Variants in COL4A4 observed in about 807,000 individuals in gnomAD.
COL4A4 encodes the protein collagen alpha-4(IV) chain.
In COL4A4, 105 loss-of-function variants were observed where a neutral mutation model predicts 192.9. That is an observed-to-expected ratio of 0.54 (90% CI 0.46 to 0.64). COL4A4 has a LOEUF of 0.64. Ranked by LOEUF, COL4A4 falls within the 30% of genes least tolerant of loss-of-function variation. The pLI, the probability that COL4A4 is intolerant of heterozygous loss-of-function variation, is 0.00. For synonymous variants in COL4A4, 762 were observed against 769.9 expected, an observed-to-expected ratio of 0.99 and a Z score of 0.17; for missense variants, 1,967 against 2,169.3, an observed-to-expected ratio of 0.91 and a Z score of 1.85.
chr2:227,076,007 A>G (rs1178182522), intron 25 of COL4A4, among the ~76,000 whole-genome samples: 1 of 152,194 alleles, frequency 6.6e-6, no homozygotes, highest in Non-Finnish European at 1.5e-5. Context: ...AAATGGAAAA[A>G]CATTATACAC....
At chr2:227,143,321 A>C (rs1485763630) in intron 3 of COL4A4, among the ~76,000 whole-genome samples, 1 of 152,248 alleles carries the variant, frequency 6.6e-6, no homozygotes. Flanking sequence ...GTATGCATGA[A>C]TCAGAATAAA....
At chr2:227,014,030 T>C (rs1360638863) in intron 44 of COL4A4, among the ~76,000 whole-genome samples, 2 of 152,198 alleles carry the variant, frequency 1.3e-5, no homozygotes, top group Admixed American at 6.5e-5. Context: ...CTAGCAAGAA[T>C]CGAAGATTTC....
intron 44 of COL4A4, among the ~76,000 whole-genome samples, chr2:227,020,880 CTTTTTTTT>C (rs57119611): frequency 7.8e-6 from 1 of 127,598 alleles, no homozygotes; most frequent in African/African-American, 3.2e-5. Context: ...ACACTTTTTT[CTTTTTTTT>C]TTTTTTTTGA....
intron 4 of COL4A4, among the ~76,000 whole-genome samples, chr2:227,131,772 C>T (rs1301003734): frequency 2.0e-5 from 3 of 152,158 alleles, no homozygotes; most frequent in African/African-American, 4.8e-5. Flanking sequence ...ACTACATGCA[C>T]CTTTATAAGG....
At chr2:227,145,043 T>C (rs557775618) in intron 2 of COL4A4, among the ~76,000 whole-genome samples, 4 of 152,114 alleles carry the variant, frequency 2.6e-5, no homozygotes, top group South Asian at 2.1e-4. Flanking sequence ...TAATATGGAA[T>C]ATTTAGGGAA....
At chr2:227,007,779 C>G (rs146244133) in intron 47 of COL4A4, among the ~76,000 whole-genome samples, 191 bp from the exon 48 acceptor site, 51 of 152,348 alleles carry the variant, frequency 3.3e-4, no homozygotes, top group African/African-American at 1.2e-3. Flanking sequence ...GCTCCAGTTT[C>G]ACCGATGGCT....
At chr2:227,069,959 C>T (rs1483035088) in intron 25 of COL4A4, among the ~76,000 whole-genome samples, 3 of 150,690 alleles carry the variant, frequency 2.0e-5, no homozygotes, top group African/African-American at 4.9e-5. Context: ...AAAATTTTCG[C>T]AACCTACTCA....
chr2:227,013,718 G>T (rs998479857), intron 44 of COL4A4, among the ~76,000 whole-genome samples: 5 of 152,194 alleles, frequency 3.3e-5, no homozygotes, highest in East Asian at 1.9e-4. Context: ...GGCCCGAGCA[G>T]ACCAACACGT....
At chr2:227,053,992 C>T (rs751784038) in intron 31 of COL4A4, among the ~76,000 whole-genome samples, 28 of 151,936 alleles carry the variant, frequency 1.8e-4, no homozygotes, top group Non-Finnish European at 8.8e-5. Flanking sequence ...ACATGAGATG[C>T]GAATGATTTT....
intron 4 of COL4A4, among the ~76,000 whole-genome samples, chr2:227,138,216 G>A (rs2062948270): frequency 6.6e-6 from 1 of 152,110 alleles, no homozygotes; most frequent in African/African-American, 2.4e-5. Context: ...CACTTGGGAG[G>A]TGGAGGTGGG....
intron 1 of COL4A4, among the ~76,000 whole-genome samples, chr2:227,150,779 G>T (rs1022827146): frequency 2.6e-5 from 4 of 152,042 alleles, no homozygotes; most frequent in African/African-American, 9.7e-5. Flanking sequence ...TCACAAGAAC[G>T]GCATAGGGGA....
Position 227,060,122 on chromosome 2 carries a change from A to AAC in COL4A4, c.2164+13_2164+14insGT. ...AGCAGAAAAAAAAAAAAAAAAAAAAAAAACCTCACTGACCAGGTGGACCTG... is the reference window on the plus strand; with the variant it reads ...AGCAGAAAAAAAAAAAAAAAAAAAAAACAAACCTCACTGACCAGGTGGACCTG... On this transcript the variant is annotated intron_variant, in intron 27 of 47. Transcript: ENST00000396625. 7.0e-7 allele frequency: 1 copy of AAC among 1,423,924 alleles called. No homozygotes were observed. The highest frequency in any genetic ancestry group is 9.6e-7 in the Non-Finnish European group (1 of 1,036,534). 88.2% of individuals were successfully genotyped at this position (1,423,924 alleles called of 1,614,324 possible). A position where few individuals can be genotyped will look rare whatever the true frequency, so the allele number is the denominator to read the frequency against.
chr2:227,104,002 T>C lies in COL4A4; in HGVS notation c.786A>G (p.Pro262=). 6.2e-7 allele frequency: 1 copy of C among 1,613,650 alleles called. No individual in the cohort carries two copies. The highest frequency in any genetic ancestry group is 8.5e-7 in the Non-Finnish European group (1 of 1,179,930). The part of the protein sequence containing the change: ...GSPGPTLLVE[P]PDFCLYKGEK... ...CTCCTTTATAGAGACAAAAGTCAGG[T>C]GGCTCTACCAACAGGGTGGGTCCAG... is the stretch of plus-strand genomic sequence containing the variant. The change falls in exon 13 of 48, where the codon CCA becomes CCG. Residue 262 remains proline, a synonymous_variant. Transcript: ENST00000396625.
chr2:227,087,135 T>A (rs2059645891), intron 22 of COL4A4, among the ~76,000 whole-genome samples: 1 of 152,200 alleles, frequency 6.6e-6, no homozygotes, highest in Non-Finnish European at 1.5e-5. Context: ...CAGTGGGCAG[T>A]GCTTGCATTA....
intron 22 of COL4A4, 112 bp from the exon 23 acceptor site, chr2:227,082,299 T>A: frequency 9.8e-7 from 1 of 1,020,462 alleles, no homozygotes; most frequent in Non-Finnish European, 1.5e-6. Flanking sequence ...TTAAAGATTC[T>A]AGCTTGGCAT....
chr2:227,041,832 GAAAGAAAGAAAGAAAGAGA>G (rs1559477650), intron 37 of COL4A4, among the ~76,000 whole-genome samples: 7 of 47,392 alleles, frequency 1.5e-4, no homozygotes, highest in African/African-American at 8.2e-4. Context: ...AAGAAAGAAA[GAAAGAAAGAAAGAAAGAGA>G]AAGAAAGAAA....
the COL4A4 span, among the ~76,000 whole-genome samples, chr2:226,975,870 C>G: frequency 2.6e-5 from 4 of 152,230 alleles, no homozygotes; most frequent in East Asian, 7.7e-4. Flanking sequence ...GGCAAGATTA[C>G]CTTGTCCCTC....
chr2:226,988,000 G>T, the COL4A4 span, among the ~76,000 whole-genome samples: 9 of 152,260 alleles, frequency 5.9e-5, no homozygotes, highest in African/African-American at 2.2e-4. Context: ...GGCCAGGGCT[G>T]CTAAAAAGCT....
chr2:227,012,030 T>C (rs978081025), intron 45 of COL4A4, 151 bp downstream of exon 45: 4 of 712,606 alleles, frequency 5.6e-6, no homozygotes, highest in African/African-American at 5.2e-5. Context: ...TCTGTTCTCA[T>C]TGTTTCTGTC....
Sources: allele counts gnomAD v4.1 joint callset (sites outside exome capture counted in the v4.1 genomes callset), GRCh38; gene constraint gnomAD v4.1.1; transcripts MANE v1.5; gene names NCBI Gene and HGNC (gene_info 2026-07-23, HGNC 2026-07-21).